PLA2G12A: variants seen among roughly 807,000 people sequenced by gnomAD.
PLA2G12A encodes the protein phospholipase A2 group XIIA, also known as group XIIA secretory phospholipase A2.
Under a neutral mutation model 16.0 loss-of-function variants are expected in PLA2G12A, and 11 were observed. The observed-to-expected ratio is 0.69, with a 90% CI of 0.43 to 1.13. The LOEUF (loss-of-function observed/expected upper bound fraction) is 1.13, where lower values mean the gene tolerates loss of function less well. Among genes scored for constraint, PLA2G12A ranks in the 50% most tolerant of loss-of-function variants. PLA2G12A has a pLI of 0.00. For synonymous variants in PLA2G12A, 77 were observed against 93.8 expected (o/e 0.82, Z 1.03); for missense variants, 214 against 237.3 (o/e 0.90, Z 0.65).
At chr4:109,717,295 T>C (rs576347556) in intron 3 of PLA2G12A, among the ~76,000 whole-genome samples, 1 of 152,308 alleles carries the variant, frequency 6.6e-6, no homozygotes, top group Admixed American at 6.5e-5. Flanking sequence ...GGGCACAAGG[T>C]AGATGAATTC....
intron 3 of PLA2G12A, 118 bp from the exon 4 acceptor site, chr4:109,714,613 T>G: frequency 2.9e-6 from 2 of 684,448 alleles, no homozygotes; most frequent in South Asian, 3.6e-5. Flanking sequence ...GTATGCTAGA[T>G]GAAATCACCA....
chr4:109,719,564 T>G (rs769038630), intron 1 of PLA2G12A, among the ~76,000 whole-genome samples: 45 of 152,176 alleles, frequency 3.0e-4, no homozygotes, highest in Non-Finnish European at 5.3e-4. Context: ...TGGAGGGTAC[T>G]TCAGAAACAC....
At chr4:109,725,666 G>A (rs77039282) in intron 1 of PLA2G12A, among the ~76,000 whole-genome samples, 6,669 of 152,276 alleles carry the variant, frequency 0.044, 198 homozygotes, top group Non-Finnish European at 0.07. Flanking sequence ...TTTATCATTT[G>A]TATGGACTGC....
chr4:109,714,659 A>G (rs1235701863), intron 3 of PLA2G12A, among the ~76,000 whole-genome samples, 164 bp from the exon 4 acceptor site: 1 of 152,086 alleles, frequency 6.6e-6, no homozygotes, highest in Non-Finnish European at 1.5e-5. Flanking sequence ...ACATACACAC[A>G]TATATATCTA....
Position 109,712,280 on chromosome 4 carries a change from T to C in PLA2G12A, c.*2097A>G, listed in dbSNP as rs1730747114. The C allele has an allele frequency of 6.6e-6, 1 of 152,208 alleles. No homozygotes were observed. The highest frequency in any genetic ancestry group is 2.1e-4 in the South Asian group (1 of 4,830). 9.4% of individuals were successfully genotyped at this position (152,208 alleles called of 1,614,324 possible). The stretch of plus-strand genomic sequence containing the variant: ...AGTGGTCACAGAAGCTCTCCATGTA[T>C]CTTTGCAACTTTTCTGTAAATCTAA... On this transcript the variant is annotated 3_prime_UTR_variant, in exon 4 of 4. Coordinates refer to ENST00000243501, the MANE Select transcript of PLA2G12A (RefSeq NM_030821.5).
At chr4:109,725,708 A>C (rs890488541) in intron 1 of PLA2G12A, among the ~76,000 whole-genome samples, 3 of 152,210 alleles carry the variant, frequency 2.0e-5, no homozygotes, top group African/African-American at 7.2e-5. Context: ...GACTGAGACA[A>C]AGTTGATTAT....
chr4:109,725,248 T>G (rs1195274031), intron 1 of PLA2G12A, among the ~76,000 whole-genome samples: 1 of 152,228 alleles, frequency 6.6e-6, no homozygotes, highest in Non-Finnish European at 1.5e-5. Context: ...AAGTAACTAG[T>G]TTCCTGAGAA....
chr4:109,727,177 C>T (rs920175417), intron 1 of PLA2G12A, among the ~76,000 whole-genome samples: 10 of 151,824 alleles, frequency 6.6e-5, no homozygotes, highest in African/African-American at 2.4e-4. Context: ...GAGGCACGGT[C>T]TCGGCTCACT....
At position 109,717,680 on chromosome 4, in the gene PLA2G12A, A is replaced by C; in HGVS notation, c.319T>G (p.Cys107Gly). Residue 107 changes from cysteine to glycine, a missense_variant, in exon 3 of 4, where the codon TGC becomes GGC. By Grantham distance (159) the Cys-to-Gly change is radical (BLOSUM62 -3). Transcript: ENST00000243501. Reference protein sequence around the residue: ...NIGIPSLTKCCNQHDRCYETC... With the variant: ...NIGIPSLTKCGNQHDRCYETC... ...TCATAGCACCTGTCGTGTTGGTTGC[A>C]ACACTTTGTCAGGGAAGGGATACCA... The C allele has an allele frequency of 1.2e-6, 2 of 1,614,026 alleles. No homozygotes were observed. Among genetic ancestry groups the C allele is most frequent in the Non-Finnish European group, 1.7e-6 (2 of 1,179,900 alleles).
At chr4:109,722,079 T>C (rs1157007107) in intron 1 of PLA2G12A, among the ~76,000 whole-genome samples, 1 of 152,208 alleles carries the variant, frequency 6.6e-6, no homozygotes, top group Non-Finnish European at 1.5e-5. Flanking sequence ...ATCAAGTCTT[T>C]TTCTGCTCAG....
At position 109,729,724 on chromosome 4, in the gene PLA2G12A, G is replaced by C. The variant is rs1434806221; in HGVS notation, c.86C>G (p.Thr29Ser). 6.2e-7 allele frequency: 1 copy of C among 1,605,548 alleles called. No homozygotes were observed. Among genetic ancestry groups the C allele is most frequent in the Non-Finnish European group, 8.5e-7 (1 of 1,176,956 alleles). The change falls in exon 1 of 4, where the codon ACC becomes AGC. Residue 29 changes from threonine (T) to serine (S), a missense_variant. Thr to Ser is a moderately conservative substitution (Grantham distance 58, BLOSUM62 1). Coordinates refer to ENST00000243501, the MANE Select transcript of PLA2G12A (RefSeq NM_030821.5). ...GGTCTTCAGGGTGGCTCTCCAGTCG[G>C]TGGTCTGGGCCTGCTCCTGGCACCT... ...VVRCQEQAQT[T>S]DWRATLKTIR...
intron 1 of PLA2G12A, among the ~76,000 whole-genome samples, chr4:109,722,808 G>A (rs191200345): frequency 1.1e-4 from 16 of 152,220 alleles, no homozygotes; most frequent in African/African-American, 2.9e-4. Context: ...CTCCCCATCC[G>A]AAAATGTAAA....
Position 109,711,212 on chromosome 4 carries a change from A to G in PLA2G12A, c.*3165T>C, listed in dbSNP as rs992910571. ...CATGTTTAGCTTTGTACACACATAA[A>G]TAATTATAGATGTGTACATATGCAT... On this transcript the variant is annotated 3_prime_UTR_variant, in exon 4 of 4. Transcript: ENST00000243501. 5 of 152,052 alleles carry G rather than the reference A, an allele frequency of 3.3e-5. No homozygotes were observed. Among genetic ancestry groups the G allele is most frequent in the South Asian group, 2.1e-4 (1 of 4,822 alleles). 9.4% of individuals were successfully genotyped at this position (152,052 alleles called of 1,614,324 possible).
intron 3 of PLA2G12A, among the ~76,000 whole-genome samples, chr4:109,716,912 T>C (rs1224934784): frequency 2.0e-5 from 3 of 152,200 alleles, no homozygotes; most frequent in African/African-American, 7.2e-5. Flanking sequence ...AGAATTTATG[T>C]TGAAATCCTA....
chr4:109,721,240 T>C (rs1191706083), intron 1 of PLA2G12A, among the ~76,000 whole-genome samples: 1 of 152,082 alleles, frequency 6.6e-6, no homozygotes, highest in African/African-American at 2.4e-5. Flanking sequence ...CCTTGGAAGA[T>C]GAGGGTAGAT....
intron 1 of PLA2G12A, among the ~76,000 whole-genome samples, chr4:109,722,102 G>C (rs1221041890): frequency 2.0e-5 from 3 of 152,086 alleles, no homozygotes; most frequent in Non-Finnish European, 4.4e-5. Flanking sequence ...ACGCTTTAAT[G>C]GCTTCTCATC....
intron 1 of PLA2G12A, among the ~76,000 whole-genome samples, chr4:109,724,856 C>T (rs1157582282): frequency 6.6e-6 from 1 of 152,120 alleles, no homozygotes; most frequent in Non-Finnish European, 1.5e-5. Flanking sequence ...AAAGAGCCAA[C>T]ATCTACTGTA....
chr4:109,722,233 C>T (rs567257271), intron 1 of PLA2G12A, among the ~76,000 whole-genome samples: 30 of 152,328 alleles, frequency 2.0e-4, no homozygotes, highest in African/African-American at 7.2e-4. Context: ...TCAACCTATT[C>T]CTCTTTGCTG....
chr4:109,729,952 C>T lies in PLA2G12A; in HGVS notation c.-143G>A, dbSNP rs946501306. ...TATCCACGCCTCCTTCCCGGCTGGC[C>T]CTCAGGATCTCGCTGTCTTTACGTG... On this transcript the variant is annotated 5_prime_UTR_variant, in exon 1 of 4. Coordinates refer to ENST00000243501, the MANE Select transcript of PLA2G12A (RefSeq NM_030821.5). The T allele has an allele frequency of 1.8e-5, 12 of 676,070 alleles. No homozygotes were observed. The allele number at this position is 676,070 out of a possible 1,614,324, so 41.9% of individuals were successfully genotyped here.
Sources: gnomAD v4.1 joint callset for allele counts (sites outside exome capture counted in the v4.1 genomes callset) on GRCh38, gnomAD v4.1.1 for gene constraint, MANE v1.5 for transcripts, NCBI Gene and HGNC (gene_info 2026-07-23, HGNC 2026-07-21) for gene names.